CPT1A: variants seen among roughly 807,000 people sequenced by gnomAD.
CPT1A encodes carnitine O-palmitoyltransferase 1, liver isoform.
CPT1A carries 64 observed loss-of-function variants against 100.8 expected under a neutral mutation model. The observed-to-expected ratio is 0.63, with a 90% CI of 0.52 to 0.78. CPT1A has a LOEUF of 0.78. CPT1A is among the 30% of genes least tolerant of loss of function. The probability of loss-of-function intolerance (pLI) is 0.00; values close to 1 mark genes in which losing one functional copy is unlikely to be tolerated. For synonymous variants in CPT1A, 363 were observed against 396.0 expected, an observed-to-expected ratio of 0.92 and a Z score of 0.99; for missense variants, 802 against 1,034.1, an observed-to-expected ratio of 0.78 and a Z score of 3.08.
At chr11:68,774,768 C>A (rs1323945473) in intron 13 of CPT1A, among the ~76,000 whole-genome samples, 1 of 133,270 alleles carries the variant, frequency 7.5e-6, no homozygotes, top group Admixed American at 8.3e-5. Flanking sequence ...GGTGACAGTG[C>A]GAGACTACAT....
intron 1 of CPT1A, among the ~76,000 whole-genome samples, chr11:68,837,572 G>A (rs1857039815): frequency 6.6e-6 from 1 of 152,122 alleles, no homozygotes. Flanking sequence ...CATTGAGGGG[G>A]GACCCAAATG....
chr11:68,790,231 C>G (rs1214698316), intron 9 of CPT1A, among the ~76,000 whole-genome samples: 1 of 151,868 alleles, frequency 6.6e-6, no homozygotes, highest in African/African-American at 2.4e-5. Flanking sequence ...CCACTATGTC[C>G]GACTAATTTT....
At chr11:68,817,044 TGTGGTTGTGTGGGGG>T (rs1161906740) in intron 1 of CPT1A, among the ~76,000 whole-genome samples, 2 of 19,258 alleles carry the variant, frequency 1.0e-4, no homozygotes, top group Non-Finnish European at 7.6e-4. Context: ...TGTGGTGATG[TGTGGTTGTGTGGGGG>T]GTGGGTGTGT....
chr11:68,804,241 A>G (rs1386089083), intron 4 of CPT1A, 140 bp from the exon 5 acceptor site: 1 of 708,400 alleles, frequency 1.4e-6, no homozygotes, highest in Non-Finnish European at 2.5e-6. Flanking sequence ...AGACAAGGCT[A>G]TGTTAAAGAT....
Position 68,775,437 on chromosome 11 carries a change from C to CA in CPT1A, c.1459-6dup, listed in dbSNP as rs767372374. On this transcript the variant is annotated splice_region_variant and splice_polypyrimidine_tract_variant and intron_variant, in intron 12 of 18. Transcript: ENST00000265641. ...GCTGTCAATGGACATGACGTACTGT[C>CA]AAAAATAGAACAAAATTATTAAAAC... is the stretch of plus-strand genomic sequence containing the variant. The CA allele has an allele frequency of 1.5e-5, 24 of 1,606,070 alleles. No homozygotes were observed. The East Asian group carries it at 5.4e-4, about 36-fold the overall frequency.
chr11:68,831,819 G>C (rs570328624), intron 1 of CPT1A, among the ~76,000 whole-genome samples: 1 of 152,078 alleles, frequency 6.6e-6, no homozygotes, highest in East Asian at 1.9e-4. Context: ...TTTTAGTAGA[G>C]ATGGGTTTTT....
rs1240076559 is a variant in CPT1A, at chr11:68,756,739, T to A, written c.*905A>T. The A allele has an allele frequency of 6.6e-6, 1 of 152,264 alleles. No individual in the cohort carries two copies. The highest frequency in any genetic ancestry group is 1.9e-4 in the East Asian group (1 of 5,204). The allele number at this position is 152,264 out of a possible 1,614,324, so 9.4% of individuals were successfully genotyped here. The stretch of plus-strand genomic sequence containing the variant: ...CATCACGGCCCTTGCTCCCCTTTTA[T>A]GACATGTGCCTGTTATTTCTTTTGT... On this transcript the variant is annotated 3_prime_UTR_variant, in exon 19 of 19. Coordinates refer to ENST00000265641, the MANE Select transcript of CPT1A (RefSeq NM_001876.4).
intron 1 of CPT1A, among the ~76,000 whole-genome samples, chr11:68,838,417 A>G (rs1857065746): frequency 6.6e-6 from 1 of 151,828 alleles, no homozygotes. Flanking sequence ...CAAATATTTG[A>G]AGCTAGCAAG....
intron 4 of CPT1A, among the ~76,000 whole-genome samples, chr11:68,805,680 C>T (rs138405153): frequency 2.0e-4 from 31 of 152,282 alleles, no homozygotes; most frequent in Admixed American, 1.6e-3. Context: ...TCGTATACAC[C>T]GGCAGACCCA....
chr11:68,811,438 C>T lies in CPT1A; in HGVS notation c.281+999G>A, dbSNP rs141383634. Among the ~76,000 whole-genome samples the T allele has an allele frequency of 8.2e-4, 125 of 152,268 alleles. 1 individual carries two copies. The highest frequency in any genetic ancestry group is 2.3e-3 in the African/African-American group (96 of 41,550). ...AATGTGTGTCCAAGCCCAAGGGTCACGGCTGCACGAGGAAGCTGAGTTGCC... is the reference window on the plus strand; with the variant it reads ...AATGTGTGTCCAAGCCCAAGGGTCATGGCTGCACGAGGAAGCTGAGTTGCC... On this transcript the variant is annotated intron_variant, in intron 3 of 18. Coordinates refer to ENST00000265641, the MANE Select transcript of CPT1A (RefSeq NM_001876.4).
intron 18 of CPT1A, 33 bp from the exon 19 acceptor site, chr11:68,757,763 T>G (rs777986866): frequency 1.5e-5 from 23 of 1,581,702 alleles, no homozygotes; most frequent in Non-Finnish European, 1.9e-5. Context: ...AAAAACCTAT[T>G]AAAACGTGGC....
In CPT1A at chr11:68,754,895, G is replaced by C. The variant is rs1299628575; in HGVS notation, c.*2749C>G. ...ACAGAAACAAATCTTGTAGTAGACT[G>C]GGGTTAATGTTTTATTAATGATAAC... On this transcript the variant is annotated 3_prime_UTR_variant, in exon 19 of 19. Coordinates refer to ENST00000265641, the MANE Select transcript of CPT1A (RefSeq NM_001876.4). 1 of 778,234 alleles carries C rather than the reference G, an allele frequency of 1.3e-6. No homozygotes were observed. Among genetic ancestry groups the C allele is most frequent in the South Asian group, 1.3e-5 (1 of 74,218 alleles). 48.2% of individuals were successfully genotyped at this position (778,234 alleles called of 1,614,324 possible).
chr11:68,823,544 T>A (rs1856641223), intron 1 of CPT1A, among the ~76,000 whole-genome samples: 1 of 151,374 alleles, frequency 6.6e-6, no homozygotes, highest in Non-Finnish European at 1.5e-5. Context: ...ATCCCAGCAC[T>A]TTGGGAGGCC....
intron 13 of CPT1A, 191 bp from the exon 14 acceptor site, chr11:68,773,620 A>G: frequency 1.0e-6 from 1 of 965,688 alleles, no homozygotes; most frequent in South Asian, 1.6e-5. Flanking sequence ...GAGCAGCTGC[A>G]ATGTTATAGC....
intron 1 of CPT1A, among the ~76,000 whole-genome samples, chr11:68,827,706 C>T (rs1469402313): frequency 1.9e-4 from 29 of 152,056 alleles, no homozygotes; most frequent in Admixed American, 1.9e-3. Flanking sequence ...ATACAACCTC[C>T]TCTCCCTGTC....
At position 68,815,401 on chromosome 11, in the gene CPT1A, T is replaced by C. The variant is rs1376193144; in HGVS notation, c.74A>G (p.His25Arg). The change falls in exon 2 of 19, where the codon CAT becomes CGT. Residue 25 changes from histidine (H) to arginine (R), a missense_variant. His to Arg is a conservative substitution (Grantham distance 29, BLOSUM62 0). Transcript: ENST00000265641. ...GAGATAGATTTGTCTAAGAGCTTCA[T>C]GGCTCAGCCGCAGGTCAATCCCGTC... ...TPDGIDLRLS[H>R]EALRQIYLSG... is the part of the protein sequence containing the mutation. 1.2e-6 allele frequency: 2 copies of C among 1,614,188 alleles called. No homozygotes were observed. Among genetic ancestry groups the C allele is most frequent in the South Asian group, 2.2e-5 (2 of 91,088 alleles).
intron 11 of CPT1A, 54 bp downstream of exon 11, chr11:68,781,717 A>T: frequency 6.7e-7 from 1 of 1,503,708 alleles, no homozygotes; most frequent in Non-Finnish European, 9.3e-7. Flanking sequence ...CACACAGGGT[A>T]TTTCTTCCAA....
chr11:68,794,371 A>G (rs942765753), intron 8 of CPT1A, among the ~76,000 whole-genome samples: 19 of 152,166 alleles, frequency 1.2e-4, no homozygotes, highest in Non-Finnish European at 1.5e-4. Context: ...AGATGCATCA[A>G]TATATACACA....
chr11:68,840,832 G>A (rs1406343591), intron 1 of CPT1A, among the ~76,000 whole-genome samples: 1 of 152,086 alleles, frequency 6.6e-6, no homozygotes, highest in East Asian at 1.9e-4. Flanking sequence ...TGACCGCACC[G>A]TCGGGCTCGC....
Sources: gnomAD v4.1 joint callset for allele counts (sites outside exome capture counted in the v4.1 genomes callset) on GRCh38, gnomAD v4.1.1 for gene constraint, MANE v1.5 for transcripts, NCBI Gene and HGNC (gene_info 2026-07-23, HGNC 2026-07-21) for gene names.